The following TNRC6A variants were observed in gnomAD, a reference collection of about 807,000 sequenced individuals.
The protein encoded by TNRC6A is trinucleotide repeat containing adaptor 6A, also known as trinucleotide repeat-containing gene 6A protein.
Under a neutral mutation model 221.2 loss-of-function variants are expected in TNRC6A, and 44 were observed. That is an observed-to-expected ratio of 0.20 (90% confidence interval 0.16 to 0.26). The LOEUF is 0.26. Among genes scored for constraint, TNRC6A ranks in the 10% least tolerant of loss-of-function variants. The pLI is 1.00. For synonymous variants in TNRC6A, 847 were observed against 838.5 expected (o/e 1.01, Z -0.18); for missense variants, 2,199 against 2,404.4 (o/e 0.91, Z 1.79).
chr16:24,748,231 T>A (rs1032065103), intron 2 of TNRC6A, among the ~76,000 whole-genome samples: 1 of 152,220 alleles, frequency 6.6e-6, no homozygotes, highest in Non-Finnish European at 1.5e-5. Flanking sequence ...CTGAAGAAGA[T>A]TAAGTATTTT....
intron 2 of TNRC6A, among the ~76,000 whole-genome samples, chr16:24,714,846 T>A (rs536569014): frequency 6.6e-6 from 1 of 152,062 alleles, no homozygotes; most frequent in Non-Finnish European, 1.5e-5. Flanking sequence ...ATTTTCCTAC[T>A]TTTTTGCTTA....
chr16:24,787,042 A>G (rs6497757), intron 5 of TNRC6A, among the ~76,000 whole-genome samples: 123,187 of 152,152 alleles, frequency 0.81, 50,421 homozygotes, highest in African/African-American at 0.94. Context: ...GGATCTTGCC[A>G]TGGTCACACA....
At chr16:24,812,473 C>T (rs2058566597) in intron 18 of TNRC6A, among the ~76,000 whole-genome samples, 1 of 152,178 alleles carries the variant, frequency 6.6e-6, no homozygotes, top group African/African-American at 2.4e-5. Flanking sequence ...TTATTCCAGT[C>T]ATGCACCACT....
At position 24,746,011 on chromosome 16, in the gene TNRC6A, A is replaced by G. The variant is rs139119744; in HGVS notation, c.54-4715A>G. Among the ~76,000 whole-genome samples, 304 of 151,992 alleles carry G rather than the reference A, an allele frequency of 2.0e-3. 1 individual carries two copies. Among genetic ancestry groups the G allele is most frequent in the African/African-American group, 7.0e-3 (291 of 41,448 alleles). Reference sequence around the variant, plus strand: ...ATTCCAGTCAGTGCTGGTCCCTGCAATTGTCATGCTGACAAGTCTCCATAC... The same window carrying G: ...ATTCCAGTCAGTGCTGGTCCCTGCAGTTGTCATGCTGACAAGTCTCCATAC... On this transcript the variant is annotated intron_variant, in intron 2 of 24. Transcript: ENST00000395799.
chr16:24,769,526 C>T (rs1269967080), intron 4 of TNRC6A, among the ~76,000 whole-genome samples: 2 of 150,386 alleles, frequency 1.3e-5, no homozygotes, highest in South Asian at 2.1e-4. Flanking sequence ...TATGTTTTAT[C>T]CTAGCTAAAT....
chr16:24,762,911 C>T (rs1567437768), intron 4 of TNRC6A, among the ~76,000 whole-genome samples: 1 of 152,152 alleles, frequency 6.6e-6, no homozygotes, highest in Non-Finnish European at 1.5e-5. Context: ...TAAAACAACT[C>T]ATCTTTTAAA....
chr16:24,631,156 T>C (rs1322245588), intron 1 of TNRC6A, among the ~76,000 whole-genome samples: 1 of 152,238 alleles, frequency 6.6e-6, no homozygotes, highest in East Asian at 1.9e-4. Context: ...GGTAGGAGGA[T>C]AACATCTATT....
intron 3 of TNRC6A, among the ~76,000 whole-genome samples, chr16:24,756,155 A>G (rs1375709916): frequency 6.6e-6 from 1 of 152,210 alleles, no homozygotes; most frequent in Non-Finnish European, 1.5e-5. Flanking sequence ...AGTATTTTTA[A>G]TAAGGCATCT....
At chr16:24,621,598 T>C (rs1483599615) in intron 1 of TNRC6A, among the ~76,000 whole-genome samples, 1 of 152,076 alleles carries the variant, frequency 6.6e-6, no homozygotes, top group Non-Finnish European at 1.5e-5. Context: ...CCTCAGATGA[T>C]CCACCCACCT....
At chr16:24,622,285 G>A (rs1273195876) in intron 1 of TNRC6A, among the ~76,000 whole-genome samples, 5 of 152,142 alleles carry the variant, frequency 3.3e-5, no homozygotes, top group Non-Finnish European at 7.3e-5. Context: ...TTTCTAGTAT[G>A]CAATTGATTA....
At chr16:24,670,965 G>C (rs1209785260) in intron 2 of TNRC6A, 10 of 404,254 alleles carry the variant, frequency 2.5e-5, no homozygotes, top group Non-Finnish European at 5.1e-5. Flanking sequence ...CCAGGCCATC[G>C]TAATTAGCAT....
intron 1 of TNRC6A, among the ~76,000 whole-genome samples, chr16:24,615,931 A>G (rs142221946): frequency 0.029 from 4,295 of 149,462 alleles, 84 homozygotes; most frequent in Non-Finnish European, 0.045. Context: ...ATGGTAACAC[A>G]AATGTAATCC....
At chr16:24,748,488 T>G (rs2151381173) in intron 2 of TNRC6A, among the ~76,000 whole-genome samples, 1 of 152,248 alleles carries the variant, frequency 6.6e-6, no homozygotes, top group African/African-American at 2.4e-5. Flanking sequence ...GTTATGTTAC[T>G]CCATTAGCCA....
In TNRC6A at chr16:24,649,816, CTTTTTTTTTTTT is replaced by C. The variant is rs35308503; in HGVS notation, n.402+8823_402+8834del. On this transcript the variant is annotated intron_variant and non_coding_transcript_variant, in intron 2 of 2. Coordinates refer to the TNRC6A transcript ENST00000566108. ...CCCCCAGCTTCCAGTCTCTCTCTCT[CTTTTTTTTTTTT>C]TTTTTTTTTTTTTTTGGAGATGGAA... Among the ~76,000 whole-genome samples the C allele has an allele frequency of 1.3e-4, 10 of 78,926 alleles. No homozygotes were observed. The South Asian group carries it at 1.4e-3, about 11-fold the overall frequency. 51.8% of individuals were successfully genotyped at this position (78,926 alleles called of 152,430 possible). A position where few individuals can be genotyped will look rare whatever the true frequency, so the allele number is the denominator to read the frequency against.
chr16:24,806,024 T>G (rs1462542798), intron 15 of TNRC6A, among the ~76,000 whole-genome samples, 182 bp from the exon 16 acceptor site: 1 of 152,166 alleles, frequency 6.6e-6, no homozygotes, highest in Non-Finnish European at 1.5e-5. Context: ...AACTAAAGAC[T>G]GAATTTCAGC....
intron 2 of TNRC6A, among the ~76,000 whole-genome samples, chr16:24,716,426 T>C (rs984793903): frequency 2.6e-5 from 4 of 152,152 alleles, no homozygotes; most frequent in Admixed American, 2.6e-4. Context: ...CCCAGCACTT[T>C]GGGAGTCCAA....
At chr16:24,760,464 A>G (rs2057339094) in intron 4 of TNRC6A, among the ~76,000 whole-genome samples, 1 of 152,202 alleles carries the variant, frequency 6.6e-6, no homozygotes, top group African/African-American at 2.4e-5. Context: ...GACTCTGTAG[A>G]TGATAGGCTG....
chr16:24,704,691 A>AAAAG (rs1567372440), intron 2 of TNRC6A, among the ~76,000 whole-genome samples: 7 of 150,244 alleles, frequency 4.7e-5, no homozygotes, highest in South Asian at 2.1e-4. Context: ...AAAAAAAAAA[A>AAAAG]AAAGAAAGAA....
rs80149461 is a variant in TNRC6A, at chr16:24,784,555, C to A, written c.590-4677C>A. Among the ~76,000 whole-genome samples the A allele has an allele frequency of 4.7e-3, 711 of 152,308 alleles. 6 individuals are homozygous for A. The highest frequency in any genetic ancestry group is 0.016 in the African/African-American group (683 of 41,568). ...CCCAGGATAGTCTCACTTCTGGACC[C>A]AACCAATATTCCCGCCTTGGCCTCC... On this transcript the variant is annotated intron_variant, in intron 5 of 24. Transcript: ENST00000395799.
Sources: allele counts gnomAD v4.1 joint callset (sites outside exome capture counted in the v4.1 genomes callset), GRCh38; gene constraint gnomAD v4.1.1; transcripts MANE v1.5; gene names NCBI Gene and HGNC (gene_info 2026-07-23, HGNC 2026-07-21).